EML6: variants seen among roughly 807,000 people sequenced by gnomAD.
EML6 encodes EMAP like 6, also known as echinoderm microtubule-associated protein-like 6.
In EML6, 154 loss-of-function variants were observed where a neutral mutation model predicts 240.1. The ratio of observed to expected loss-of-function variants is 0.64; its 90% CI spans 0.56 to 0.73. EML6 has a LOEUF of 0.73. Among genes scored for constraint, EML6 ranks in the 30% least tolerant of loss-of-function variants. The pLI, the probability that EML6 is intolerant of heterozygous loss-of-function variation, is 0.00. For missense variants in EML6, 2,964 were observed against 2,474.6 expected (o/e 1.20, Z -4.20); for synonymous variants, 1,148 against 899.0 (o/e 1.28, Z -4.95).
rs1573240572 is a variant in EML6, at chr2:54,971,985, A to C, written c.*1890A>C. 1.3e-5 allele frequency: 2 copies of C among 152,228 alleles called. No homozygotes were observed. Among genetic ancestry groups the C allele is most frequent in the Non-Finnish European group, 1.5e-5 (1 of 68,050 alleles). 9.4% of individuals were successfully genotyped at this position (152,228 alleles called of 1,614,324 possible). A position where few individuals can be genotyped will look rare whatever the true frequency, so the allele number is the denominator to read the frequency against. ...TTCAAAGTATAAAACACATCACTTA[A>C]ACATTTTATGTGTCAAATAAAATTT... On this transcript the variant is annotated 3_prime_UTR_variant, in exon 42 of 42. Transcript: ENST00000356458.
chr2:54,834,618 G>A (rs1003432125), intron 7 of EML6, among the ~76,000 whole-genome samples: 6 of 152,116 alleles, frequency 3.9e-5, no homozygotes, highest in East Asian at 1.9e-4. Context: ...AGTGGAGGTC[G>A]GGGGAGTTCT....
intron 2 of EML6, among the ~76,000 whole-genome samples, chr2:54,804,101 C>T (rs1315664812): frequency 2.0e-5 from 3 of 152,218 alleles, no homozygotes; most frequent in African/African-American, 4.8e-5. Flanking sequence ...CTGTGTGCTA[C>T]ACTACAAGAA....
chr2:54,918,711 A>AC (rs546455987), intron 26 of EML6, among the ~76,000 whole-genome samples: 443 of 152,010 alleles, frequency 2.9e-3, no homozygotes, highest in African/African-American at 9.7e-3. Context: ...ATTTAAATTT[A>AC]CCCCCCTGTA....
At chr2:54,849,094 T>C (rs1370239684) in intron 9 of EML6, among the ~76,000 whole-genome samples, 1 of 152,158 alleles carries the variant, frequency 6.6e-6, no homozygotes, top group Non-Finnish European at 1.5e-5. Context: ...GGAAAAATAA[T>C]ATATAGTTAA....
chr2:54,961,778 G>T (rs1407945201), intron 35 of EML6, among the ~76,000 whole-genome samples: 1 of 151,832 alleles, frequency 6.6e-6, no homozygotes, highest in African/African-American at 2.4e-5. Context: ...CAAGAGGCAG[G>T]CACATCACTT....
At chr2:54,937,772 AAAAGTTTCAAGCAACAGTGTTTTTATAT>A in intron 28 of EML6, among the ~76,000 whole-genome samples, 1 of 152,262 alleles carries the variant, frequency 6.6e-6, no homozygotes, top group South Asian at 2.1e-4. Context: ...ATCTTCTAAA[AAAAGTTTCAAGCAACAGTGTTTTTATAT>A]ACTCTATCAA....
chr2:54,884,226 A>ATTACAGAGGGTG (rs59302324), intron 17 of EML6, among the ~76,000 whole-genome samples: 1 of 151,600 alleles, frequency 6.6e-6, no homozygotes, highest in Non-Finnish European at 1.5e-5. Flanking sequence ...TTGCCAGGTT[A>ATTACAGAGGGTG]TTACAAAGGT....
rs988304006 is a variant in EML6, at chr2:54,923,386, C to T, written c.3676-4927C>T. 2.5e-3 allele frequency among the ~76,000 whole-genome samples: 372 copies of T among 151,760 alleles called. 2 individuals carry two copies. Among genetic ancestry groups the T allele is most frequent in the African/African-American group, 8.7e-3 (358 of 41,328 alleles). On this transcript the variant is annotated intron_variant, in intron 26 of 41. Coordinates refer to ENST00000356458, the MANE Select transcript of EML6 (RefSeq NM_001039753.4). ...CCAAACGCACACACACACACACACA[C>T]ACACACACACACACACACAATGGTA... is the stretch of plus-strand genomic sequence containing the variant.
chr2:54,806,503 C>G (rs1052503876), intron 2 of EML6, among the ~76,000 whole-genome samples: 1 of 150,552 alleles, frequency 6.6e-6, no homozygotes, highest in Non-Finnish European at 1.5e-5. Flanking sequence ...ATCCCAACTA[C>G]TCGGGATGCT....
chr2:54,920,547 G>A (rs1375982598), intron 26 of EML6, among the ~76,000 whole-genome samples: 1 of 152,062 alleles, frequency 6.6e-6, no homozygotes, highest in Admixed American at 6.6e-5. Context: ...AAGACCATGT[G>A]GCTTCATGTG....
intron 8 of EML6, among the ~76,000 whole-genome samples, chr2:54,844,603 T>C (rs1669649426): frequency 6.6e-6 from 1 of 152,240 alleles, no homozygotes; most frequent in Non-Finnish European, 1.5e-5. Flanking sequence ...ATGGAGATTT[T>C]ACAATTTTGT....
At chr2:54,908,311 G>C (rs1005849599) in intron 24 of EML6, among the ~76,000 whole-genome samples, 3 of 150,894 alleles carry the variant, frequency 2.0e-5, no homozygotes, top group Non-Finnish European at 4.4e-5. Flanking sequence ...CTGTGCTCAA[G>C]AGATCCTCTC....
intron 12 of EML6, among the ~76,000 whole-genome samples, chr2:54,859,990 C>T (rs778319725): frequency 6.6e-6 from 1 of 152,138 alleles, no homozygotes; most frequent in Non-Finnish European, 1.5e-5. Context: ...CTCATGGACA[C>T]CAAATACACA....
intron 25 of EML6, among the ~76,000 whole-genome samples, chr2:54,915,691 G>T (rs1049777436): frequency 3.3e-5 from 5 of 152,050 alleles, no homozygotes; most frequent in African/African-American, 1.2e-4. Context: ...AAAACTCCTG[G>T]CTGCATCTTT....
At chr2:54,888,113 G>A (rs565814117) in intron 17 of EML6, among the ~76,000 whole-genome samples, 3 of 152,316 alleles carry the variant, frequency 2.0e-5, no homozygotes, top group Non-Finnish European at 2.9e-5. Context: ...GCAGTTTGAC[G>A]GGCAAGGAGA....
chr2:54,872,161 T>C (rs1236764835), intron 16 of EML6, among the ~76,000 whole-genome samples: 1 of 152,192 alleles, frequency 6.6e-6, no homozygotes, highest in Non-Finnish European at 1.5e-5. Context: ...TTGAACACAG[T>C]ATCATAAAAA....
chr2:54,836,258 C>G (rs975843365), intron 7 of EML6, among the ~76,000 whole-genome samples: 1 of 152,150 alleles, frequency 6.6e-6, no homozygotes, highest in African/African-American at 2.4e-5. Flanking sequence ...CTTAGCCAGC[C>G]TTATGTAAAA....
At chr2:54,747,851 C>G (rs1429036659) in intron 2 of EML6, among the ~76,000 whole-genome samples, 2 of 151,244 alleles carry the variant, frequency 1.3e-5, no homozygotes, top group African/African-American at 4.9e-5. Context: ...CTAGTATACT[C>G]ATTTTAATCT....
At chr2:54,881,442 G>A (rs1671803306) in intron 17 of EML6, 2 of 151,946 alleles carry the variant, frequency 1.3e-5, no homozygotes, top group Admixed American at 1.3e-4. Flanking sequence ...ATCTCCTAAG[G>A]TCAGGAGTTC....
Sources: gnomAD v4.1 joint callset for allele counts (sites outside exome capture counted in the v4.1 genomes callset) on GRCh38, gnomAD v4.1.1 for gene constraint, MANE v1.5 for transcripts, NCBI Gene and HGNC (gene_info 2026-07-23, HGNC 2026-07-21) for gene names.